The following IL7R variants were observed in gnomAD, a reference collection of about 807,000 sequenced individuals.
IL7R encodes the protein interleukin-7 receptor subunit alpha.
Under a neutral mutation model 47.0 loss-of-function variants are expected in IL7R, and 38 were observed. The observed-to-expected ratio is 0.81, with a 90% CI of 0.62 to 1.06. IL7R has a LOEUF of 1.06. IL7R is among the 50% of genes least tolerant of loss of function. The probability of loss-of-function intolerance (pLI) is 0.00; values close to 1 mark genes in which losing one functional copy is unlikely to be tolerated. For missense variants in IL7R, 633 were observed against 534.8 expected, an observed-to-expected ratio of 1.18 and a Z score of -1.81; for synonymous variants, 221 against 199.8, an observed-to-expected ratio of 1.11 and a Z score of -0.89.
At chr5:35,864,226 T>C (rs996721236) in intron 2 of IL7R, among the ~76,000 whole-genome samples, 1 of 152,204 alleles carries the variant, frequency 6.6e-6, no homozygotes, top group Non-Finnish European at 1.5e-5. Context: ...AATTGCTAAG[T>C]AGTAATTCCA....
rs530415921 is a variant in IL7R, at chr5:35,862,096, T to C, written c.221+1106T>C. Among the ~76,000 whole-genome samples, 3 of 152,256 alleles carry C rather than the reference T, an allele frequency of 2.0e-5. No individual in the cohort carries two copies. In the East Asian group the frequency reaches 5.8e-4, roughly 29 times the overall value. Reference sequence around the variant, plus strand: ...AGATAAACATGCTGTTGGACTTGAGTAGTGTACTGTGTTCTCTGTCTGCCT... The same window carrying C: ...AGATAAACATGCTGTTGGACTTGAGCAGTGTACTGTGTTCTCTGTCTGCCT... On this transcript the variant is annotated intron_variant, in intron 2 of 7. Coordinates refer to ENST00000303115, the MANE Select transcript of IL7R (RefSeq NM_002185.5).
At chr5:35,872,736 G>A (rs1047478940) in intron 4 of IL7R, among the ~76,000 whole-genome samples, 3 of 152,000 alleles carry the variant, frequency 2.0e-5, no homozygotes, top group Non-Finnish European at 4.4e-5. Flanking sequence ...GTTTATATAT[G>A]TCAACACACA....
chr5:35,864,966 T>G (rs891533843), intron 2 of IL7R, among the ~76,000 whole-genome samples: 1 of 152,220 alleles, frequency 6.6e-6, no homozygotes, highest in African/African-American at 2.4e-5. Context: ...TTAGTTTTTT[T>G]AATTATTATT....
At chr5:35,868,282 C>T (rs1216148664) in intron 3 of IL7R, among the ~76,000 whole-genome samples, 1 of 152,178 alleles carries the variant, frequency 6.6e-6, no homozygotes, top group African/African-American at 2.4e-5. Flanking sequence ...TTAGCATTCC[C>T]TATTCGCTCC....
intron 2 of IL7R, among the ~76,000 whole-genome samples, chr5:35,862,320 G>T (rs942082744): frequency 3.3e-5 from 5 of 152,236 alleles, no homozygotes; most frequent in South Asian, 2.1e-4. Context: ...CAGCTGGCTG[G>T]TGGGCTGAGT....
chr5:35,869,427 T>C (rs1016692812), intron 3 of IL7R, among the ~76,000 whole-genome samples: 5 of 152,100 alleles, frequency 3.3e-5, no homozygotes, highest in African/African-American at 1.2e-4. Context: ...GGACCAGCCG[T>C]TGTGATATGT....
intron 2 of IL7R, 135 bp from the exon 3 acceptor site, chr5:35,867,171 A>T: frequency 1.4e-6 from 1 of 708,538 alleles, no homozygotes; most frequent in South Asian, 1.7e-5. Flanking sequence ...ATTCCTGAAC[A>T]TGCCTCCACT....
chr5:35,873,784 G>T, intron 5 of IL7R, 136 bp downstream of exon 5: 1 of 818,382 alleles, frequency 1.2e-6, no homozygotes. Flanking sequence ...ACTTTCTTTG[G>T]AGAATGACTT....
rs118137916 is a variant in IL7R at position 35,863,436 on chromosome 5, A to G, written c.221+2446A>G. Among the ~76,000 whole-genome samples, 379 of 152,234 alleles carry G rather than the reference A, an allele frequency of 2.5e-3. 2 individuals are homozygous for G. In the East Asian group the frequency reaches 0.061, roughly 24 times the overall value. ...TCTTTTTGTGCAGAGTCCAGGAACCATTCTCGAAAGGACTCATTTGAGCAC... is the reference window on the plus strand; with the variant it reads ...TCTTTTTGTGCAGAGTCCAGGAACCGTTCTCGAAAGGACTCATTTGAGCAC... On this transcript the variant is annotated intron_variant, in intron 2 of 7. Coordinates refer to ENST00000303115, the MANE Select transcript of IL7R (RefSeq NM_002185.5).
intron 1 of IL7R, among the ~76,000 whole-genome samples, chr5:35,858,273 T>G (rs536222260): frequency 4.1e-4 from 63 of 152,314 alleles, no homozygotes; most frequent in Middle Eastern, 3.4e-3. Flanking sequence ...CCTATTCACA[T>G]GATTACGTCA....
rs1040097236 is a variant in IL7R at position 35,878,201 on chromosome 5, C to A, written c.*1715C>A. ...GTTTTACTTTCCAAAGTGCTCTCCT[C>A]TGCACCAGCAGTAATAAATACAATG... On this transcript the variant is annotated 3_prime_UTR_variant, in exon 8 of 8. Transcript: ENST00000303115. The A allele has an allele frequency of 4.3e-6, 1 of 233,296 alleles. No individual in the cohort carries two copies. Among genetic ancestry groups the A allele is most frequent in the Non-Finnish European group, 8.5e-6 (1 of 118,058 alleles). The allele number at this position is 233,296 out of a possible 1,614,324, so 14.5% of individuals were successfully genotyped here.
chr5:35,876,720 G>GC lies in IL7R; in HGVS notation c.*234_*235insC. The stretch of plus-strand genomic sequence containing the variant: ...TGTGGATTTGGTCACAAGGTTTAAG[G>GC]TGACCCAATGATTCAGCTATTTAAA... On this transcript the variant is annotated 3_prime_UTR_variant, in exon 8 of 8. Transcript: ENST00000303115. The GC allele has an allele frequency of 1.4e-5, 8 of 553,596 alleles. No individual in the cohort carries two copies. The highest frequency in any genetic ancestry group is 9.6e-5 in the South Asian group (4 of 41,844). 34.3% of individuals were successfully genotyped at this position (553,596 alleles called of 1,614,324 possible). A position where few individuals can be genotyped will look rare whatever the true frequency, so the allele number is the denominator to read the frequency against.
rs1760265796 is a variant in IL7R, at chr5:35,878,355, G to C, written c.*1869G>C. The C allele has an allele frequency of 4.3e-6, 1 of 232,872 alleles. No homozygotes were observed. The highest frequency in any genetic ancestry group is 2.2e-5 in the African/African-American group (1 of 45,266). The allele number at this position is 232,872 out of a possible 1,614,324, so 14.4% of individuals were successfully genotyped here. A position where few individuals can be genotyped will look rare whatever the true frequency, so the allele number is the denominator to read the frequency against. On this transcript the variant is annotated 3_prime_UTR_variant, in exon 8 of 8. Coordinates refer to ENST00000303115, the MANE Select transcript of IL7R (RefSeq NM_002185.5). ...GTCAATCATACTGTTAGGCACAGGG[G>C]ACCTAAAGACACATAAAAGGATGGC... is the stretch of plus-strand genomic sequence containing the variant.
chr5:35,863,365 A>G (rs1188715610), intron 2 of IL7R, among the ~76,000 whole-genome samples: 1 of 152,152 alleles, frequency 6.6e-6, no homozygotes, highest in African/African-American at 2.4e-5. Context: ...TCTCCCCTGC[A>G]TTTAACCTCC....
chr5:35,860,957 A>T lies in IL7R; in HGVS notation c.188A>T (p.Asp63Val). 2 of 1,613,688 alleles carry T rather than the reference A, an allele frequency of 1.2e-6. No individual in the cohort carries two copies. The highest frequency in any genetic ancestry group is 1.7e-4 in the Middle Eastern group (1 of 6,060). The change falls in exon 2 of 8, where the codon GAT becomes GTT. Residue 63 changes from aspartate to valine, a missense_variant. Transcript: ENST00000303115. ...HSLTCAFEDP[D>V]VNITNLEFEI... ...CTGACCTGTGCTTTTGAGGACCCAG[A>T]TGTCAACATCACCAATCTGGAATTT...
intron 1 of IL7R, among the ~76,000 whole-genome samples, chr5:35,858,256 T>C (rs1207539178): frequency 6.6e-6 from 1 of 152,214 alleles, no homozygotes; most frequent in Non-Finnish European, 1.5e-5. Context: ...AGAAGATGTA[T>C]AATTACCCTA....
intron 1 of IL7R, among the ~76,000 whole-genome samples, chr5:35,858,240 T>C (rs950346112): frequency 1.3e-5 from 2 of 152,158 alleles, no homozygotes; most frequent in African/African-American, 4.8e-5. Flanking sequence ...AAGTTTCAGA[T>C]TTTTTAGAAG....
At chr5:35,867,683 G>C (rs147938694) in intron 3 of IL7R, 861 of 631,514 alleles carry the variant, frequency 1.4e-3, no homozygotes, top group Non-Finnish European at 1.7e-3. Flanking sequence ...AGGTGTGAAA[G>C]ATAGTGTTTG....
At position 35,867,170 on chromosome 5, in the gene IL7R, C is replaced by T; in HGVS notation, c.222-136C>T. The T allele has an allele frequency of 4.3e-6, 3 of 703,710 alleles. No individual in the cohort carries two copies. In the South Asian group the frequency reaches 5.0e-5, roughly 12 times the overall value. The allele number at this position is 703,710 out of a possible 1,614,324, so 43.6% of individuals were successfully genotyped here. A position where few individuals can be genotyped will look rare whatever the true frequency, so the allele number is the denominator to read the frequency against. On this transcript the variant is annotated intron_variant, in intron 2 of 7. Transcript: ENST00000303115. Reference sequence around the variant, plus strand: ...TAATTCATTATCTCTCATTCCTGAACATGCCTCCACTCACCCACCCACATA... The same window carrying T: ...TAATTCATTATCTCTCATTCCTGAATATGCCTCCACTCACCCACCCACATA...
Sources: allele counts gnomAD v4.1 joint callset (sites outside exome capture counted in the v4.1 genomes callset), GRCh38; gene constraint gnomAD v4.1.1; transcripts MANE v1.5; gene names NCBI Gene and HGNC (gene_info 2026-07-23, HGNC 2026-07-21).